The following PARN variants were observed in gnomAD, a reference collection of about 807,000 sequenced individuals.
PARN encodes poly(A)-specific ribonuclease PARN.
PARN carries 71 observed loss-of-function variants against 102.8 expected under a neutral mutation model. The ratio of observed to expected loss-of-function variants is 0.69; its 90% CI spans 0.57 to 0.84. PARN has a LOEUF of 0.84. Ranked by LOEUF, PARN falls within the 40% of genes least tolerant of loss-of-function variation. The probability of loss-of-function intolerance (pLI) is 0.00; values close to 1 mark genes in which losing one functional copy is unlikely to be tolerated. For missense variants in PARN, 782 were observed against 760.9 expected, an observed-to-expected ratio of 1.03 and a Z score of -0.33; for synonymous variants, 261 against 252.9, an observed-to-expected ratio of 1.03 and a Z score of -0.30.
chr16:14,501,453 A>AAAAAAAAAAAAAAAAAAAAAAAC (rs1964602455), intron 21 of PARN: 1 of 143,556 alleles, frequency 7.0e-6, no homozygotes. Flanking sequence ...AAAAAAAAAA[A>AAAAAAAAAAAAAAAAAAAAAAAC]AAAAAAACAG....
intron 22 of PARN, among the ~76,000 whole-genome samples, chr16:14,473,791 G>C (rs895774436): frequency 6.6e-6 from 1 of 152,186 alleles, no homozygotes; most frequent in Non-Finnish European, 1.5e-5. Flanking sequence ...TGGGTCTCAA[G>C]GTGAGAGGCA....
chr16:14,523,382 G>A (rs1965839648), intron 21 of PARN, among the ~76,000 whole-genome samples: 1 of 152,118 alleles, frequency 6.6e-6, no homozygotes, highest in African/African-American at 2.4e-5. Flanking sequence ...GTTAGAAAAT[G>A]TACTTTCAAA....
intron 23 of PARN, among the ~76,000 whole-genome samples, chr16:14,441,450 A>T (rs1219639171): frequency 1.3e-5 from 2 of 152,232 alleles, no homozygotes; most frequent in Non-Finnish European, 2.9e-5. Flanking sequence ...TGCACAGGAC[A>T]CTGGAAGCTT....
chr16:14,584,939 G>A, intron 14 of PARN, 148 bp from the exon 15 acceptor site: 1 of 574,120 alleles, frequency 1.7e-6, no homozygotes, highest in East Asian at 3.2e-5. Flanking sequence ...CTTAAACACA[G>A]ACAAAGTAAT....
intron 22 of PARN, among the ~76,000 whole-genome samples, chr16:14,461,474 T>A (rs944345222): frequency 6.6e-6 from 1 of 152,216 alleles, no homozygotes; most frequent in African/African-American, 2.4e-5. Flanking sequence ...CAGCTTCCAG[T>A]GGGTTATCCT....
chr16:14,590,062 C>T (rs368243257), intron 13 of PARN, among the ~76,000 whole-genome samples: 2 of 151,246 alleles, frequency 1.3e-5, no homozygotes, highest in African/African-American at 4.9e-5. Context: ...ACCAGCCTTG[C>T]CAACATGGTG....
At chr16:14,491,911 T>C (rs943482505) in intron 21 of PARN, among the ~76,000 whole-genome samples, 1 of 152,238 alleles carries the variant, frequency 6.6e-6, no homozygotes, top group Non-Finnish European at 1.5e-5. Context: ...ATTTTTCAGT[T>C]AAAAATCCCA....
In PARN at chr16:14,554,226, T is replaced by C. The variant is rs532753676; in HGVS notation, c.1319-75A>G. On this transcript the variant is annotated intron_variant, in intron 19 of 23. Transcript: ENST00000437198. ...TAAACCAGTGACTCTTTGATGAAAC[T>C]AAGTCTGAGCTAATTTGGAGAACTG... The C allele has an allele frequency of 4.2e-6, 4 of 962,222 alleles. No individual in the cohort carries two copies. The South Asian group carries it at 4.4e-5, about 11-fold the overall frequency. 59.6% of individuals were successfully genotyped at this position (962,222 alleles called of 1,614,324 possible).
In PARN at chr16:14,627,332, G is replaced by C; in HGVS notation, c.182C>G (p.Ser61Cys). Residue 61 changes from serine (S) to cysteine (C), a missense_variant, in exon 4 of 24, where the codon TCC (serine) becomes TGC (cysteine). Ser to Cys is a moderately radical substitution (Grantham distance 112). Coordinates refer to ENST00000437198, the MANE Select transcript of PARN (RefSeq NM_002582.4). ...EERYQKLKKHSMDFLLFQFGL... is the reference protein window; with the variant it reads ...EERYQKLKKHCMDFLLFQFGL... Reference sequence around the variant, plus strand: ...AAACTGAAATAGCAAAAAGTCCATGGAATGCTGGAAAAGGGAAATAAAACA... The same window carrying C: ...AAACTGAAATAGCAAAAAGTCCATGCAATGCTGGAAAAGGGAAATAAAACA... The C allele has an allele frequency of 6.3e-7, 1 of 1,583,362 alleles. No homozygotes were observed. Among genetic ancestry groups the C allele is most frequent in the Non-Finnish European group, 8.6e-7 (1 of 1,163,396 alleles).
chr16:14,531,349 A>G (rs1966318507), intron 21 of PARN, among the ~76,000 whole-genome samples: 1 of 149,372 alleles, frequency 6.7e-6, no homozygotes. Flanking sequence ...GTGACAGCAC[A>G]AGACTCCATC....
intron 21 of PARN, among the ~76,000 whole-genome samples, chr16:14,532,837 G>A (rs1208785471): frequency 6.6e-6 from 1 of 150,948 alleles, no homozygotes; most frequent in Admixed American, 6.6e-5. Context: ...CCCGGACGGG[G>A]TGGCTGGCCG....
chr16:14,448,141 T>C (rs1239111222), intron 22 of PARN, among the ~76,000 whole-genome samples: 1 of 151,026 alleles, frequency 6.6e-6, no homozygotes, highest in Non-Finnish European at 1.5e-5. Flanking sequence ...CCCGCCACCA[T>C]GTCTGGCTAA....
intron 6 of PARN, among the ~76,000 whole-genome samples, chr16:14,614,548 C>G (rs1035159243): frequency 1.3e-5 from 2 of 152,082 alleles, no homozygotes; most frequent in African/African-American, 2.4e-5. Flanking sequence ...AATGGTGGCT[C>G]CCGTACAAAA....
chr16:14,465,578 T>C (rs1962291819), intron 22 of PARN, among the ~76,000 whole-genome samples: 1 of 152,212 alleles, frequency 6.6e-6, no homozygotes, highest in South Asian at 2.1e-4. Flanking sequence ...AAGACTATGA[T>C]AGGTTAAAAG....
intron 23 of PARN, among the ~76,000 whole-genome samples, chr16:14,442,946 G>C (rs535616693): frequency 6.6e-6 from 1 of 152,324 alleles, no homozygotes; most frequent in East Asian, 1.9e-4. Context: ...TTCTGATCTA[G>C]AACAGCTGCA....
chr16:14,457,797 CAAAAAAAAAAA>C (rs35170336), intron 22 of PARN, among the ~76,000 whole-genome samples: 78 of 30,168 alleles, frequency 2.6e-3, no homozygotes, highest in East Asian at 0.016. Context: ...GACTCTGTCT[CAAAAAAAAAAA>C]AAAAAAAAAA....
intron 22 of PARN, among the ~76,000 whole-genome samples, chr16:14,458,721 G>A (rs565337452): frequency 6.6e-6 from 1 of 152,318 alleles, no homozygotes; most frequent in South Asian, 2.1e-4. Flanking sequence ...GATGAGGACT[G>A]GAGCCATGTC....
At chr16:14,556,073 G>A (rs1967666457) in intron 18 of PARN, among the ~76,000 whole-genome samples, 1 of 151,812 alleles carries the variant, frequency 6.6e-6, no homozygotes, top group South Asian at 2.1e-4. Flanking sequence ...GGCCTCAAGT[G>A]ATCTACCTGC....
chr16:14,445,456 T>G (rs751435424), intron 23 of PARN, among the ~76,000 whole-genome samples: 1 of 152,230 alleles, frequency 6.6e-6, no homozygotes, highest in African/African-American at 2.4e-5. Flanking sequence ...TTGTTAGTTC[T>G]GCTAACCGTG....
Sources: gnomAD v4.1 joint callset for allele counts (sites outside exome capture counted in the v4.1 genomes callset) on GRCh38, gnomAD v4.1.1 for gene constraint, MANE v1.5 for transcripts, NCBI Gene and HGNC (gene_info 2026-07-23, HGNC 2026-07-21) for gene names.